Variants in RAB3B observed in about 807,000 individuals in gnomAD.
RAB3B encodes the protein RAB3B, member RAS oncogene family, also known as ras-related protein Rab-3B.
RAB3B carries 11 observed loss-of-function variants against 20.5 expected under a neutral mutation model. The observed-to-expected ratio is 0.54, with a 90% CI of 0.34 to 0.89. The LOEUF (loss-of-function observed/expected upper bound fraction) is 0.89. Ranked by LOEUF, RAB3B falls within the 40% of genes least tolerant of loss-of-function variation. The probability of loss-of-function intolerance (pLI) is 0.02; values close to 1 mark genes in which losing one functional copy is unlikely to be tolerated. For missense variants in RAB3B, 225 were observed against 280.9 expected, an observed-to-expected ratio of 0.80 and a Z score of 1.42; for synonymous variants, 99 against 106.3, an observed-to-expected ratio of 0.93 and a Z score of 0.42.
chr1:51,976,986 A>G lies in RAB3B; in HGVS notation c.132T>C (p.Asp44=), dbSNP rs753322991. The change falls in exon 2 of 5, where the codon GAT becomes GAC. Residue 44 remains aspartate, a synonymous_variant. Coordinates refer to ENST00000371655, the MANE Select transcript of RAB3B (RefSeq NM_002867.4). ...TAACGAAGGCTGGGGTGAACGTGTC[A>G]TCAGCATAGCGGAAGAGGAAGGAGG... ...GKTSFLFRYA[D]DTFTPAFVST... 6.2e-7 allele frequency: 1 copy of G among 1,614,234 alleles called. No individual in the cohort carries two copies. The highest frequency in any genetic ancestry group is 1.1e-5 in the South Asian group (1 of 91,088).
chr1:51,981,717 G>A (rs1038925027), intron 1 of RAB3B, among the ~76,000 whole-genome samples: 1 of 152,100 alleles, frequency 6.6e-6, no homozygotes, highest in Non-Finnish European at 1.5e-5. Flanking sequence ...GTACAATGGC[G>A]GTCCCATAAG....
chr1:51,960,095 G>A (rs1485808076), intron 2 of RAB3B, among the ~76,000 whole-genome samples: 1 of 152,144 alleles, frequency 6.6e-6, no homozygotes, highest in Admixed American at 6.5e-5. Context: ...TGAGGGCAGG[G>A]AGTGCCACCG....
chr1:51,909,195 T>C lies in RAB3B; in HGVS notation c.*10732A>G, dbSNP rs1683963748. 6.6e-6 allele frequency: 1 copy of C among 152,102 alleles called. No individual in the cohort carries two copies. The highest frequency in any genetic ancestry group is 1.5e-5 in the Non-Finnish European group (1 of 68,034). 9.4% of individuals were successfully genotyped at this position (152,102 alleles called of 1,614,324 possible). A position where few individuals can be genotyped will look rare whatever the true frequency, so the allele number is the denominator to read the frequency against. On this transcript the variant is annotated 3_prime_UTR_variant, in exon 5 of 5. Transcript: ENST00000371655. ...TAGGTTCCTGGGACAGGAGTGTGTA[T>C]TGAGGTGGAGGGAAGGAGCTGAAAG...
Position 51,941,986 on chromosome 1 carries a change from C to G in RAB3B, c.229-4574G>C, listed in dbSNP as rs75210344. 7.2e-3 allele frequency among the ~76,000 whole-genome samples: 1,098 copies of G among 152,324 alleles called. 13 individuals are homozygous for G. The highest frequency in any genetic ancestry group is 0.026 in the African/African-American group (1,062 of 41,570). On this transcript the variant is annotated intron_variant, in intron 2 of 4. Coordinates refer to ENST00000371655, the MANE Select transcript of RAB3B (RefSeq NM_002867.4). ...GAAATCTGCCATATCCACATCAAAG[C>G]TCTGTGTGTTTGTGACTAAGAAACA...
chr1:51,933,843 A>G (rs1684360698), intron 3 of RAB3B, among the ~76,000 whole-genome samples: 2 of 152,212 alleles, frequency 1.3e-5, no homozygotes, highest in African/African-American at 4.8e-5. Flanking sequence ...ACAAAAAGAA[A>G]ACTGTGAAGT....
intron 2 of RAB3B, among the ~76,000 whole-genome samples, chr1:51,939,135 G>T (rs1684454394): frequency 6.6e-6 from 1 of 152,190 alleles, no homozygotes; most frequent in Non-Finnish European, 1.5e-5. Flanking sequence ...ACAGCAAAGG[G>T]TTATCAGGGC....
chr1:51,965,361 G>T (rs1684836216), intron 2 of RAB3B, among the ~76,000 whole-genome samples: 1 of 152,140 alleles, frequency 6.6e-6, no homozygotes, highest in South Asian at 2.1e-4. Context: ...TTAAAAGGGT[G>T]AATTTTGGCT....
At chr1:51,967,515 C>CTTTTTTTTTTTTTTTTTTTTTTTTTTTT (rs67927521) in intron 2 of RAB3B, among the ~76,000 whole-genome samples, 1 of 16,436 alleles carries the variant, frequency 6.1e-5, no homozygotes, top group East Asian at 3.5e-3. Context: ...CTTTTCTTTT[C>CTTTTTTTTTTTTTTTTTTTTTTTTTTTT]TTTTTCTTTT....
intron 2 of RAB3B, among the ~76,000 whole-genome samples, chr1:51,958,450 G>A (rs75772243): frequency 1.3e-3 from 195 of 152,316 alleles, no homozygotes; most frequent in Admixed American, 2.7e-3. Flanking sequence ...TCGGCCGGGC[G>A]CGGTGGCTCA....
At chr1:51,970,636 A>G (rs2124302689) in intron 2 of RAB3B, among the ~76,000 whole-genome samples, 1 of 152,222 alleles carries the variant, frequency 6.6e-6, no homozygotes, top group Admixed American at 6.5e-5. Flanking sequence ...GAGGAATTTA[A>G]CTGAACACTT....
At chr1:51,979,361 C>G (rs1173390333) in intron 1 of RAB3B, among the ~76,000 whole-genome samples, 2 of 151,854 alleles carry the variant, frequency 1.3e-5, no homozygotes, top group African/African-American at 2.4e-5. Flanking sequence ...ACCTCTGCCC[C>G]CTGAGTTCAA....
At chr1:51,935,183 C>T (rs1044397116) in intron 3 of RAB3B, among the ~76,000 whole-genome samples, 1 of 152,182 alleles carries the variant, frequency 6.6e-6, no homozygotes, top group Non-Finnish European at 1.5e-5. Context: ...CTGACTCTAC[C>T]CTGACACTGA....
chr1:51,959,236 G>A (rs1684753413), intron 2 of RAB3B, among the ~76,000 whole-genome samples: 1 of 152,008 alleles, frequency 6.6e-6, no homozygotes, highest in African/African-American at 2.4e-5. Flanking sequence ...AATGGGGGAG[G>A]AGGCCAGGTG....
chr1:51,984,141 G>A (rs1360050401), intron 1 of RAB3B, among the ~76,000 whole-genome samples: 3 of 150,792 alleles, frequency 2.0e-5, no homozygotes, highest in Non-Finnish European at 4.4e-5. Flanking sequence ...GTGGCTGCCT[G>A]TAATCCCAGC....
At chr1:51,923,553 T>C (rs1035196647) in intron 4 of RAB3B, among the ~76,000 whole-genome samples, 17 of 152,026 alleles carry the variant, frequency 1.1e-4, no homozygotes, top group African/African-American at 3.9e-4. Context: ...CTGTCTCTAC[T>C]AAAAATACAA....
intron 1 of RAB3B, among the ~76,000 whole-genome samples, chr1:51,989,477 G>A (rs1193873312): frequency 2.6e-5 from 4 of 151,698 alleles, no homozygotes; most frequent in African/African-American, 9.7e-5. Context: ...CCGAGACACC[G>A]CTAGTGCGTG....
chr1:51,985,518 C>G (rs981449637), intron 1 of RAB3B, among the ~76,000 whole-genome samples: 41 of 152,126 alleles, frequency 2.7e-4, no homozygotes, highest in African/African-American at 9.2e-4. Context: ...GGAGTAGCAG[C>G]TTTTTATTGT....
chr1:51,931,564 TG>T (rs1194937604), intron 4 of RAB3B, among the ~76,000 whole-genome samples: 1 of 152,158 alleles, frequency 6.6e-6, no homozygotes, highest in Non-Finnish European at 1.5e-5. Context: ...AACATATTTT[TG>T]CATCCTCCGT....
Position 51,979,268 on chromosome 1 carries a change from C to CTT in RAB3B, c.1-2153_1-2152dup, listed in dbSNP as rs112504777. 3.0e-4 allele frequency among the ~76,000 whole-genome samples: 41 copies of CTT among 136,614 alleles called. 1 individual carries two copies. Among genetic ancestry groups the CTT allele is most frequent in the African/African-American group, 4.3e-4 (16 of 36,902 alleles). 89.6% of individuals were successfully genotyped at this position (136,614 alleles called of 152,430 possible). ...GAACTTGCCATGTAAAGGCATTATG[C>CTT]TTTTTTTTTTTTTTTTTCTGAGATG... is the stretch of plus-strand genomic sequence containing the variant. On this transcript the variant is annotated intron_variant, in intron 1 of 4. Coordinates refer to ENST00000371655, the MANE Select transcript of RAB3B (RefSeq NM_002867.4).
Sources: allele counts gnomAD v4.1 joint callset (sites outside exome capture counted in the v4.1 genomes callset), GRCh38; gene constraint gnomAD v4.1.1; transcripts MANE v1.5; gene names NCBI Gene and HGNC (gene_info 2026-07-23, HGNC 2026-07-21).